The following ELP4 variants were observed in gnomAD, a reference collection of about 807,000 sequenced individuals.
The protein encoded by ELP4 is elongator acetyltransferase complex subunit 4.
Under a neutral mutation model 48.9 loss-of-function variants are expected in ELP4, and 51 were observed. The ratio of observed to expected loss-of-function variants is 1.04; its 90% confidence interval spans 0.83 to 1.32. ELP4 has a LOEUF of 1.32. ELP4 is among the 40% of genes most tolerant of loss of function. ELP4 has a pLI of 0.00. For synonymous variants in ELP4, 210 were observed against 189.2 expected (o/e 1.11, Z -0.90); for missense variants, 519 against 514.6 (o/e 1.01, Z -0.08).
intron 3 of ELP4, among the ~76,000 whole-genome samples, chr11:31,562,327 A>G (rs1957036360): frequency 6.6e-6 from 1 of 152,174 alleles, no homozygotes; most frequent in Non-Finnish European, 1.5e-5. Context: ...CATAATACAG[A>G]TTTCCATTTC....
chr11:31,728,961 T>G (rs1257308489), intron 9 of ELP4, among the ~76,000 whole-genome samples: 2 of 152,178 alleles, frequency 1.3e-5, no homozygotes, highest in African/African-American at 4.8e-5. Flanking sequence ...ATTTGAATTG[T>G]TTCATAATAG....
Position 31,615,921 on chromosome 11 carries a change from C to T in ELP4, c.654-11189C>T, listed in dbSNP as rs185567171. 4.0e-3 allele frequency among the ~76,000 whole-genome samples: 603 copies of T among 152,168 alleles called. 13 individuals are homozygous for T. Among genetic ancestry groups the T allele is most frequent in the East Asian group, 1.2e-3 (6 of 5,184 alleles). On this transcript the variant is annotated intron_variant, in intron 5 of 9. Transcript: ENST00000640961. ...TTATATTGACTTCATGGGGATTGAT[C>T]ATAACTAAGTTAATGAGAACTGATT...
At chr11:31,517,256 T>G (rs957976534) in intron 1 of ELP4, among the ~76,000 whole-genome samples, 18 of 151,910 alleles carry the variant, frequency 1.2e-4, no homozygotes, top group Non-Finnish European at 2.4e-4. Flanking sequence ...TGATCTCAAC[T>G]CACTGCAACC....
At chr11:31,593,509 G>A (rs955452908) in intron 3 of ELP4, among the ~76,000 whole-genome samples, 5 of 152,080 alleles carry the variant, frequency 3.3e-5, no homozygotes, top group Non-Finnish European at 7.4e-5. Context: ...GCCTCCCAAA[G>A]CGCTAGGATT....
Position 31,569,554 on chromosome 11 carries a change from C to G in ELP4, c.382-25216C>G, listed in dbSNP as rs1480894638. On this transcript the variant is annotated intron_variant, in intron 3 of 9. Coordinates refer to ENST00000640961, the MANE Select transcript of ELP4 (RefSeq NM_019040.5). ...TTACCTGAGGTCAGGAGTTCCAGAC[C>G]AGCCTGGCCAAAATGGCAGTAAATC... Among the ~76,000 whole-genome samples, 7 of 152,196 alleles carry G rather than the reference C, an allele frequency of 4.6e-5. No homozygotes were observed. In the South Asian group the frequency reaches 1.5e-3, roughly 32 times the overall value.
At chr11:31,768,716 G>A (rs750258461) in intron 9 of ELP4, among the ~76,000 whole-genome samples, 1 of 152,102 alleles carries the variant, frequency 6.6e-6, no homozygotes, top group Non-Finnish European at 1.5e-5. Context: ...AAAAGCTCCA[G>A]GAAATCAGCC....
At chr11:31,629,529 C>A (rs1470800443) in intron 6 of ELP4, among the ~76,000 whole-genome samples, 1 of 151,924 alleles carries the variant, frequency 6.6e-6, no homozygotes, top group Non-Finnish European at 1.5e-5. Flanking sequence ...TATTTTCATT[C>A]ACTTGATATA....
intron 3 of ELP4, among the ~76,000 whole-genome samples, chr11:31,594,389 T>C (rs1018398469): frequency 6.6e-6 from 1 of 152,130 alleles, no homozygotes; most frequent in Admixed American, 6.5e-5. Flanking sequence ...ATTGTGCAAA[T>C]GTTTTATTTT....
intron 9 of ELP4, among the ~76,000 whole-genome samples, chr11:31,778,761 A>G (rs1446638515): frequency 6.6e-6 from 1 of 152,234 alleles, no homozygotes; most frequent in Non-Finnish European, 1.5e-5. Flanking sequence ...CTCTGTGTCC[A>G]GTGCCCACAA....
chr11:31,760,929 C>G (rs1298781842), intron 9 of ELP4, among the ~76,000 whole-genome samples: 1 of 152,174 alleles, frequency 6.6e-6, no homozygotes. Flanking sequence ...TTCCCAATAA[C>G]TATACATCCC....
chr11:31,547,786 C>T (rs561371445), intron 3 of ELP4, among the ~76,000 whole-genome samples: 1 of 152,274 alleles, frequency 6.6e-6, no homozygotes, highest in East Asian at 1.9e-4. Context: ...AGCTTATCCA[C>T]CACGATCAAG....
rs139563336 is a variant in ELP4 at position 31,545,238 on chromosome 11, A to C, written c.381+5455A>C. ...GGCAAAGAAGTTAAAAACTTTGAAA[A>C]AAATTGAGACGAATGTATAACTAGA... On this transcript the variant is annotated intron_variant, in intron 3 of 9. Coordinates refer to ENST00000640961, the MANE Select transcript of ELP4 (RefSeq NM_019040.5). Among the ~76,000 whole-genome samples the C allele has an allele frequency of 2.0e-3, 299 of 152,304 alleles. 1 individual carries two copies. Among genetic ancestry groups the C allele is most frequent in the African/African-American group, 7.1e-3 (294 of 41,576 alleles).
chr11:31,766,608 G>T (rs535859215), intron 9 of ELP4, among the ~76,000 whole-genome samples: 2 of 152,050 alleles, frequency 1.3e-5, no homozygotes, highest in East Asian at 3.9e-4. Flanking sequence ...GAAATAAATT[G>T]TAAGATATTT....
At chr11:31,618,033 G>A (rs1256696574) in intron 5 of ELP4, among the ~76,000 whole-genome samples, 1 of 151,928 alleles carries the variant, frequency 6.6e-6, no homozygotes, top group East Asian at 1.9e-4. Context: ...GTACATAAAT[G>A]TTCATAACAG....
chr11:31,781,254 C>T (rs1190674127), intron 9 of ELP4, among the ~76,000 whole-genome samples: 1 of 152,046 alleles, frequency 6.6e-6, no homozygotes, highest in South Asian at 2.1e-4. Flanking sequence ...TATACATGCA[C>T]GTTTCTTTAT....
chr11:31,748,153 G>A (rs1451042073), intron 9 of ELP4, among the ~76,000 whole-genome samples: 5 of 151,312 alleles, frequency 3.3e-5, no homozygotes. Context: ...CAGATTCGTA[G>A]TTATGTTCCC....
rs1245927759 is a variant in ELP4, at chr11:31,595,279, A to G, written c.513+378A>G. ...TTTCAATCATTACATTTTCAAACTC[A>G]TCTATCTGGTAATGTCATCTATTCA... On this transcript the variant is annotated intron_variant, in intron 4 of 9. Transcript: ENST00000640961. 3.3e-5 allele frequency among the ~76,000 whole-genome samples: 5 copies of G among 152,234 alleles called. No individual in the cohort carries two copies. The South Asian group carries it at 1.0e-3, about 32-fold the overall frequency.
chr11:31,597,758 G>A (rs142515628), intron 4 of ELP4, among the ~76,000 whole-genome samples: 1 of 151,936 alleles, frequency 6.6e-6, no homozygotes, highest in East Asian at 2.0e-4. Flanking sequence ...TTTTCGTAGA[G>A]ATGGCGTTTC....
intron 2 of ELP4, 75 bp downstream of exon 2, chr11:31,520,166 A>C: frequency 1.6e-6 from 2 of 1,269,582 alleles, no homozygotes; most frequent in South Asian, 1.4e-5. Flanking sequence ...TCCAATTCCC[A>C]TTCCAAAATT....
Sources: gnomAD v4.1 joint callset for allele counts (sites outside exome capture counted in the v4.1 genomes callset) on GRCh38, gnomAD v4.1.1 for gene constraint, MANE v1.5 for transcripts, NCBI Gene and HGNC (gene_info 2026-07-23, HGNC 2026-07-21) for gene names.